Variants in TLL2 observed in about 807,000 individuals in gnomAD.
TLL2 encodes tolloid like 2, also known as tolloid-like protein 2.
In TLL2, 106 loss-of-function variants were observed where a neutral mutation model predicts 123.0. The observed-to-expected ratio is 0.86, with a 90% CI of 0.74 to 1.01. TLL2 has a LOEUF of 1.01. TLL2 is among the 50% of genes least tolerant of loss of function. The pLI, the probability that TLL2 is intolerant of heterozygous loss-of-function variation, is 0.00. For missense variants in TLL2, 1,332 were observed against 1,336.7 expected (o/e 1.00, Z 0.06); for synonymous variants, 494 against 516.8 (o/e 0.96, Z 0.60).
At chr10:96,384,906 G>A in intron 15 of TLL2, 139 bp from the exon 16 acceptor site, 1 of 812,392 alleles carries the variant, frequency 1.2e-6, no homozygotes, top group South Asian at 3.1e-5. Flanking sequence ...TGCTACGCCG[G>A]TTATTTGAAT....
intron 9 of TLL2, among the ~76,000 whole-genome samples, chr10:96,408,434 T>A (rs950956067): frequency 6.6e-6 from 1 of 152,208 alleles, no homozygotes; most frequent in Admixed American, 6.5e-5. Flanking sequence ...TGATGTATAT[T>A]CTCTCTGTCC....
rs4917734 is a variant in TLL2, at chr10:96,365,640, C to A, written c.*2448G>T. 1 of 152,124 alleles carries A rather than the reference C, an allele frequency of 6.6e-6. No homozygotes were observed. Among genetic ancestry groups the A allele is most frequent in the African/African-American group, 2.4e-5 (1 of 41,396 alleles). 9.4% of individuals were successfully genotyped at this position (152,124 alleles called of 1,614,324 possible). On this transcript the variant is annotated 3_prime_UTR_variant, in exon 21 of 21. Transcript: ENST00000357947. Reference sequence around the variant, plus strand: ...GCAGGTCACTGATAATTGGAAGCACCAAGGCAGAGGCCTGGGACTTTCTGC... The same window carrying A: ...GCAGGTCACTGATAATTGGAAGCACAAAGGCAGAGGCCTGGGACTTTCTGC...
intron 1 of TLL2, among the ~76,000 whole-genome samples, chr10:96,500,885 C>T (rs146818122): frequency 1.3e-5 from 2 of 152,080 alleles, no homozygotes; most frequent in South Asian, 4.1e-4. Flanking sequence ...AATTATGGTG[C>T]ATCTATACAA....
chr10:96,488,055 C>T (rs929312847), intron 1 of TLL2, among the ~76,000 whole-genome samples: 2 of 152,184 alleles, frequency 1.3e-5, no homozygotes, highest in Admixed American at 6.5e-5. Context: ...TCTTCATCTT[C>T]CAAGTGTGAA....
intron 10 of TLL2, among the ~76,000 whole-genome samples, chr10:96,404,237 C>G (rs1235158798): frequency 6.6e-6 from 1 of 152,052 alleles, no homozygotes; most frequent in Non-Finnish European, 1.5e-5. Flanking sequence ...CTAGAAATAC[C>G]CACAGGTGTG....
At chr10:96,422,794 C>G (rs1480561743) in intron 5 of TLL2, 67 bp from the exon 6 acceptor site, 2 of 1,576,926 alleles carry the variant, frequency 1.3e-6, no homozygotes, top group East Asian at 2.2e-5. Flanking sequence ...GCAAGTCCCC[C>G]CTCCCACTCT....
chr10:96,410,656 G>C (rs956920498), intron 8 of TLL2, 182 bp from the exon 9 acceptor site: 1 of 682,020 alleles, frequency 1.5e-6, no homozygotes. Context: ...GTAGGACCTA[G>C]GAGTCAAAAA....
chr10:96,473,644 A>G (rs1027135775), intron 2 of TLL2, among the ~76,000 whole-genome samples: 3 of 152,216 alleles, frequency 2.0e-5, no homozygotes, highest in Admixed American at 6.5e-5. Context: ...AGAGATGGAC[A>G]TGGCCCCGTG....
rs1312819916 is a variant in TLL2, at chr10:96,396,900, A to G, written c.1384+286T>C. ...TTCCACAGGGTTCTAGATCCCCCCA[A>G]TACCGTCCTGTATGGGGGAAGCCGA... is the stretch of plus-strand genomic sequence containing the variant. On this transcript the variant is annotated intron_variant, in intron 11 of 20. Coordinates refer to ENST00000357947, the MANE Select transcript of TLL2 (RefSeq NM_012465.4). Among the ~76,000 whole-genome samples the G allele has an allele frequency of 2.6e-5, 4 of 152,154 alleles. No homozygotes were observed. The East Asian group carries it at 7.7e-4, about 29-fold the overall frequency.
At chr10:96,478,804 T>C (rs905081601) in intron 2 of TLL2, among the ~76,000 whole-genome samples, 1 of 152,098 alleles carries the variant, frequency 6.6e-6, no homozygotes, top group Non-Finnish European at 1.5e-5. Context: ...ACGTATTAAC[T>C]GGGAGGGATG....
rs182553449 is a variant in TLL2 at position 96,488,864 on chromosome 10, G to A, written c.176-8405C>T. On this transcript the variant is annotated intron_variant, in intron 1 of 20. Transcript: ENST00000357947. ...GGGAGCCAAGGATGGAAACCCCTGCGTGGAAGGAAGAAGAAACTGCCCTTG... is the reference window on the plus strand; with the variant it reads ...GGGAGCCAAGGATGGAAACCCCTGCATGGAAGGAAGAAGAAACTGCCCTTG... Among the ~76,000 whole-genome samples, 99 of 152,334 alleles carry A rather than the reference G, an allele frequency of 6.5e-4. 1 individual carries two copies. The highest frequency in any genetic ancestry group is 5.6e-3 in the South Asian group (27 of 4,824).
chr10:96,395,856 C>T lies in TLL2; in HGVS notation c.1530+19G>A, dbSNP rs780981129. The T allele has an allele frequency of 3.9e-5, 63 of 1,608,928 alleles. No individual in the cohort carries two copies. The highest frequency in any genetic ancestry group is 4.9e-5 in the Non-Finnish European group (58 of 1,177,826). On this transcript the variant is annotated intron_variant, in intron 12 of 20. Transcript: ENST00000357947. ...AAAAGTTGCCGTTTCCTTGGGAAGC[C>T]GGTCTGAGCAGCACTCACCTCAAAA...
chr10:96,375,753 C>T (rs947016368), intron 18 of TLL2, among the ~76,000 whole-genome samples: 5 of 152,222 alleles, frequency 3.3e-5, no homozygotes, highest in Non-Finnish European at 7.3e-5. Flanking sequence ...AAACAACCTG[C>T]AAGTCCCTGC....
chr10:96,367,930 CTT>C lies in TLL2; in HGVS notation c.*156_*157del, dbSNP rs1846044329. ...CACCTTGTTGGCCAAACTTACAAGACTTTCATTCAAATATATACCTCTAAGGC... is the reference window on the plus strand; with the variant it reads ...CACCTTGTTGGCCAAACTTACAAGACTCATTCAAATATATACCTCTAAGGC... On this transcript the variant is annotated 3_prime_UTR_variant, in exon 21 of 21. Transcript: ENST00000357947. 5.5e-6 allele frequency: 5 copies of C among 901,624 alleles called. No individual in the cohort carries two copies. The highest frequency in any genetic ancestry group is 8.0e-6 in the Non-Finnish European group (5 of 622,334). The allele number at this position is 901,624 out of a possible 1,614,324, so 55.9% of individuals were successfully genotyped here.
chr10:96,419,532 G>T (rs1210556525), intron 7 of TLL2, among the ~76,000 whole-genome samples: 2 of 151,522 alleles, frequency 1.3e-5, no homozygotes, highest in Non-Finnish European at 2.9e-5. Flanking sequence ...CCAGGAGAAG[G>T]TCAAAGAGGC....
intron 16 of TLL2, among the ~76,000 whole-genome samples, chr10:96,379,779 G>A (rs999446924): frequency 7.2e-5 from 11 of 152,220 alleles, no homozygotes; most frequent in Non-Finnish European, 4.4e-5. Context: ...CAGAGATCGC[G>A]CCAGTGCACT....
At chr10:96,481,255 T>C (rs1190192178) in intron 1 of TLL2, among the ~76,000 whole-genome samples, 1 of 152,046 alleles carries the variant, frequency 6.6e-6, no homozygotes, top group Non-Finnish European at 1.5e-5. Flanking sequence ...CAAGCAATCC[T>C]CCCACCTCAG....
rs143406541 is a variant in TLL2, at chr10:96,466,936, C to T, written c.286+13413G>A. On this transcript the variant is annotated intron_variant, in intron 2 of 20. Transcript: ENST00000357947. ...TTATAGATGAGGAAACCGAGGTCCC[C>T]CAAGGTGAAGTAACATCTTCAAGGT... Among the ~76,000 whole-genome samples, 9 of 152,254 alleles carry T rather than the reference C, an allele frequency of 5.9e-5. No homozygotes were observed. The East Asian group carries it at 1.7e-3, about 29-fold the overall frequency.
intron 17 of TLL2, among the ~76,000 whole-genome samples, chr10:96,378,387 C>T (rs1379304792): frequency 7.2e-6 from 1 of 137,948 alleles, no homozygotes; most frequent in Admixed American, 7.6e-5. Flanking sequence ...ACAGTAAAAG[C>T]CACCTGGCCC....
Sources: allele counts gnomAD v4.1 joint callset (sites outside exome capture counted in the v4.1 genomes callset), GRCh38; gene constraint gnomAD v4.1.1; transcripts MANE v1.5; gene names NCBI Gene and HGNC (gene_info 2026-07-23, HGNC 2026-07-21).